The following CTNNAL1 variants were observed in gnomAD, a reference collection of about 807,000 sequenced individuals.
The protein encoded by CTNNAL1 is alpha-catulin.
CTNNAL1 carries 69 observed loss-of-function variants against 93.6 expected under a neutral mutation model. The observed-to-expected ratio is 0.74, with a 90% CI of 0.61 to 0.90. The LOEUF is 0.90. CTNNAL1 is among the 40% of genes least tolerant of loss of function. The pLI is 0.00. For synonymous variants in CTNNAL1, 286 were observed against 305.4 expected, an observed-to-expected ratio of 0.94 and a Z score of 0.66; for missense variants, 836 against 862.0, an observed-to-expected ratio of 0.97 and a Z score of 0.38.
At chr9:108,979,154 A>C in intron 7 of CTNNAL1, 127 bp downstream of exon 7, 1 of 1,181,486 alleles carries the variant, frequency 8.5e-7, no homozygotes, top group South Asian at 1.6e-5. Context: ...GAAAGAAGGG[A>C]TGAGATATCC....
chr9:109,005,636 A>T (rs930615829), intron 1 of CTNNAL1, among the ~76,000 whole-genome samples: 3 of 152,200 alleles, frequency 2.0e-5, no homozygotes, highest in African/African-American at 7.2e-5. Flanking sequence ...CTGATCCTAG[A>T]CTACCCAGCC....
intron 12 of CTNNAL1, among the ~76,000 whole-genome samples, 185 bp from the exon 13 acceptor site, chr9:108,952,679 T>C (rs980960141): frequency 6.6e-6 from 1 of 152,124 alleles, no homozygotes; most frequent in African/African-American, 2.4e-5. Flanking sequence ...TTTGAATAGG[T>C]TGTTAGTTTG....
intron 1 of CTNNAL1, among the ~76,000 whole-genome samples, chr9:109,002,689 A>C (rs1340376916): frequency 1.3e-5 from 2 of 152,184 alleles, no homozygotes; most frequent in Admixed American, 6.5e-5. Context: ...GGTTTTAAAA[A>C]TTCCTTCTCC....
At chr9:108,955,180 T>A (rs1346161149) in intron 12 of CTNNAL1, among the ~76,000 whole-genome samples, 2 of 152,004 alleles carry the variant, frequency 1.3e-5, no homozygotes, top group African/African-American at 4.8e-5. Flanking sequence ...GAGACACGGT[T>A]TCACCATGTT....
intron 1 of CTNNAL1, among the ~76,000 whole-genome samples, chr9:109,010,542 G>C (rs1827175594): frequency 6.6e-6 from 1 of 152,126 alleles, no homozygotes. Flanking sequence ...TACTCTATCA[G>C]GTTAAGGACA....
chr9:108,955,824 T>C lies in CTNNAL1; in HGVS notation c.1595A>G (p.Glu532Gly), dbSNP rs996488534. The C allele has an allele frequency of 1.9e-6, 3 of 1,598,796 alleles. No individual in the cohort carries two copies. The African/African-American group carries it at 4.0e-5, about 22-fold the overall frequency. Reference protein sequence around the residue: ...INDVFEGRRGEKYGYLSLPKP... With the variant: ...INDVFEGRRGGKYGYLSLPKP... ...TGGAAGTGAAAGGTAGCCATACTTC[T>C]CTCCTACAAATAACACATATAACTT... Residue 532 changes from glutamate to glycine, a missense_variant, in exon 12 of 19, where the codon GAG (glutamate) becomes GGG (glycine). Physicochemically the swap from Glu to Gly is moderately conservative, Grantham distance 98. Transcript: ENST00000325551.
intron 8 of CTNNAL1, among the ~76,000 whole-genome samples, chr9:108,973,950 T>TA (rs1473802920): frequency 6.6e-6 from 1 of 152,218 alleles, no homozygotes; most frequent in African/African-American, 2.4e-5. Context: ...CCGTGGAAAC[T>TA]AAATGCCACA....
At chr9:108,982,815 T>C (rs12345118) in intron 6 of CTNNAL1, among the ~76,000 whole-genome samples, 8,070 of 152,296 alleles carry the variant, frequency 0.053, 333 homozygotes, top group East Asian at 0.12. Flanking sequence ...CAGTGGCTCA[T>C]GCCTGTGATC....
At chr9:108,987,570 T>G (rs981955899) in intron 4 of CTNNAL1, among the ~76,000 whole-genome samples, 5 of 151,570 alleles carry the variant, frequency 3.3e-5, no homozygotes, top group Non-Finnish European at 7.4e-5. Context: ...GTGAAGAAAG[T>G]CATTGGTAGC....
intron 9 of CTNNAL1, 140 bp from the exon 10 acceptor site, chr9:108,970,634 GA>G: frequency 1.6e-6 from 1 of 631,978 alleles, no homozygotes. Context: ...TTACTGAGAA[GA>G]TTATTATAAT....
chr9:108,972,863 G>GCCCCCCCC, intron 8 of CTNNAL1, 30 bp from the exon 9 acceptor site: 12 of 231,664 alleles, frequency 5.2e-5, no homozygotes, highest in Non-Finnish European at 7.1e-5. Context: ...TGGGGGGGTG[G>GCCCCCCCC]GAGGGTGGAG....
At chr9:108,993,356 C>T (rs1831888426) in intron 2 of CTNNAL1, among the ~76,000 whole-genome samples, 1 of 152,022 alleles carries the variant, frequency 6.6e-6, no homozygotes, top group Non-Finnish European at 1.5e-5. Context: ...ATAATGGGGG[C>T]CCGGAAAGAA....
chr9:108,991,867 A>C (rs1457692521), intron 3 of CTNNAL1: 1 of 567,310 alleles, frequency 1.8e-6, no homozygotes, highest in Non-Finnish European at 3.1e-6. Context: ...GTGATCGTAC[A>C]TACCCTGGAT....
chr9:108,986,223 T>C (rs990122519), intron 4 of CTNNAL1, among the ~76,000 whole-genome samples: 14 of 143,738 alleles, frequency 9.7e-5, no homozygotes, highest in African/African-American at 3.1e-4. Flanking sequence ...TTCCCCTTCC[T>C]GTGTCCATGT....
rs747646849 is a variant in CTNNAL1 at position 108,984,402 on chromosome 9, G to A, written c.674C>T (p.Ala225Val). ...LKDEKKKAKMAAARAVLEKCT... is the reference protein window; with the variant it reads ...LKDEKKKAKMVAARAVLEKCT... ...CTTTTCAAGAACTGCCCTAGCTGCT[G>A]CCATTTTTGCCTTTTTCTTTTCATC... The change falls in exon 5 of 19, where the codon GCA (alanine) becomes GTA (valine). Residue 225 changes from alanine (A) to valine (V), a missense_variant. Ala to Val is a moderately conservative substitution (Grantham distance 64, BLOSUM62 0). Coordinates refer to ENST00000325551, the MANE Select transcript of CTNNAL1 (RefSeq NM_003798.4). 3 of 1,610,888 alleles carry A rather than the reference G, an allele frequency of 1.9e-6. No homozygotes were observed. Among genetic ancestry groups the A allele is most frequent in the Middle Eastern group, 1.7e-4 (1 of 6,052 alleles).
At chr9:108,971,212 A>G (rs147942002) in intron 9 of CTNNAL1, among the ~76,000 whole-genome samples, 1 of 152,324 alleles carries the variant, frequency 6.6e-6, no homozygotes, top group East Asian at 1.9e-4. Context: ...CAAGTAAAGA[A>G]GAGGAAGCCA....
chr9:108,990,647 C>A, intron 4 of CTNNAL1, 79 bp downstream of exon 4: 1 of 1,494,608 alleles, frequency 6.7e-7, no homozygotes, highest in Non-Finnish European at 8.9e-7. Context: ...CCAGTCCAAA[C>A]AATCCTAACG....
At chr9:108,960,435 A>G (rs780116381) in intron 11 of CTNNAL1, among the ~76,000 whole-genome samples, 4 of 152,298 alleles carry the variant, frequency 2.6e-5, no homozygotes, top group Non-Finnish European at 5.9e-5. Flanking sequence ...GAACATGTTT[A>G]TCTTCCTGTA....
chr9:108,996,768 T>C (rs1250643601), intron 2 of CTNNAL1, among the ~76,000 whole-genome samples: 6 of 152,104 alleles, frequency 3.9e-5, no homozygotes, highest in Admixed American at 2.6e-4. Context: ...AACAGTAATA[T>C]GAAGACCATC....
Sources: gnomAD v4.1 joint callset for allele counts (sites outside exome capture counted in the v4.1 genomes callset) on GRCh38, gnomAD v4.1.1 for gene constraint, MANE v1.5 for transcripts, NCBI Gene and HGNC (gene_info 2026-07-23, HGNC 2026-07-21) for gene names.